Variants in HSF4 observed in about 807,000 individuals in gnomAD.
HSF4 encodes heat shock factor protein 4.
Under a neutral mutation model 52.0 loss-of-function variants are expected in HSF4, and 41 were observed. The ratio of observed to expected loss-of-function variants is 0.79; its 90% CI spans 0.61 to 1.02. The LOEUF is 1.02. HSF4 is among the 50% of genes least tolerant of loss of function. The pLI, the probability that HSF4 is intolerant of heterozygous loss-of-function variation, is 0.00. For missense variants in HSF4, 610 were observed against 651.1 expected, an observed-to-expected ratio of 0.94 and a Z score of 0.69; for synonymous variants, 285 against 273.0, an observed-to-expected ratio of 1.04 and a Z score of -0.43.
chr16:67,169,795 C>T lies in HSF4; in HGVS notation c.*10C>T. 1 of 1,613,050 alleles carries T rather than the reference C, an allele frequency of 6.2e-7. No homozygotes were observed. The highest frequency in any genetic ancestry group is 8.5e-7 in the Non-Finnish European group (1 of 1,179,976). ...CAGTCCCTCCCCCTAAGACCCCGCG[C>T]CTCTGAAGGGGCTTGGAACCAGTCC... On this transcript the variant is annotated 3_prime_UTR_variant, in exon 13 of 13. Coordinates refer to ENST00000521374, the MANE Select transcript of HSF4 (RefSeq NM_001374675.1). The surrounding 1 kb of genome is among the most constrained non-coding windows in gnomAD (Gnocchi z 4.3).
rs1257015995 is a variant in HSF4, at chr16:67,165,462, C to T, written c.124-60C>T. 1.4e-6 allele frequency: 2 copies of T among 1,467,438 alleles called. No individual in the cohort carries two copies. The highest frequency in any genetic ancestry group is 1.9e-6 in the Non-Finnish European group (2 of 1,048,752). The allele number at this position is 1,467,438 out of a possible 1,614,324, so 90.9% of individuals were successfully genotyped here. On this transcript the variant is annotated intron_variant, in intron 1 of 12. Coordinates refer to ENST00000521374, the MANE Select transcript of HSF4 (RefSeq NM_001374675.1). The surrounding 1 kb of genome is among the most constrained non-coding windows in gnomAD (Gnocchi z 6.9). ...GCTGGAGCGCAGGACTGGCCGTGAG[C>T]GGGCACCGCTCACCCTCCTGGTCTC... is the stretch of plus-strand genomic sequence containing the variant.
chr16:67,165,645 CCG>C lies in HSF4; in HGVS notation c.232+16_232+17del. 6.2e-7 allele frequency: 1 copy of C among 1,612,782 alleles called. No individual in the cohort carries two copies. The highest frequency in any genetic ancestry group is 1.1e-5 in the South Asian group (1 of 91,088). On this transcript the variant is annotated intron_variant, in intron 2 of 12. Coordinates refer to ENST00000521374, the MANE Select transcript of HSF4 (RefSeq NM_001374675.1). This position sits in a 1 kb window ranked among gnomAD's most constrained non-coding sequence, Gnocchi z 6.9. ...ACTCAACATGTGTGAGTCCCTACGG[CCG>C]GGCGGGGAGCGGGGATGGGGGACTC... is the stretch of plus-strand genomic sequence containing the variant.
Position 67,167,522 on chromosome 16 carries a change from C to A in HSF4, c.777C>A (p.Gly259=). ...GCCTTAGCCCTCACAGGGCCAGGGGCCCCATCATCTCTGACATCCCAGAAG... is the reference window on the plus strand; with the variant it reads ...GCCTTAGCCCTCACAGGGCCAGGGGACCCATCATCTCTGACATCCCAGAAG... ...NLGLSPHRAR[G]PIISDIPEDS... The change falls in exon 8 of 13, where the codon GGC becomes GGA. Residue 259 remains glycine (G), a synonymous_variant. Transcript: ENST00000521374. 1 of 1,613,780 alleles carries A rather than the reference C, an allele frequency of 6.2e-7. No homozygotes were observed. Among genetic ancestry groups the A allele is most frequent in the Non-Finnish European group, 8.5e-7 (1 of 1,179,988 alleles).
rs767418042 is a variant in HSF4 at position 67,169,369 on chromosome 16, T to C, written c.1324+21T>C. On this transcript the variant is annotated intron_variant, in intron 12 of 12. Transcript: ENST00000521374. The surrounding 1 kb of genome is among the most constrained non-coding windows in gnomAD (Gnocchi z 4.3). Reference sequence around the variant, plus strand: ...CCCAGGTAATGGTTGTGATGACTCCTACCTGGGAGGACGCCGTGATTGGGC... The same window carrying C: ...CCCAGGTAATGGTTGTGATGACTCCCACCTGGGAGGACGCCGTGATTGGGC... The C allele has an allele frequency of 6.2e-7, 1 of 1,609,192 alleles. No individual in the cohort carries two copies. Among genetic ancestry groups the C allele is most frequent in the Non-Finnish European group, 8.5e-7 (1 of 1,177,838 alleles).
At chr16:67,164,570 T>TCCACCCCACC, upstream of HSF4, 1 of 181,272 alleles carries the variant, frequency 5.5e-6, no homozygotes, top group Non-Finnish European at 1.2e-5. Context: ...CCCACCCCAC[T>TCCACCCCACC]CCACCCCACC....
chr16:67,165,654 G>C lies in HSF4; in HGVS notation c.232+24G>C. ...GTGTGAGTCCCTACGGCCGGGCGGG[G>C]AGCGGGGATGGGGGACTCGGTGCCG... On this transcript the variant is annotated intron_variant, in intron 2 of 12. Transcript: ENST00000521374. The surrounding 1 kb of genome is among the most constrained non-coding windows in gnomAD (Gnocchi z 6.9). The C allele has an allele frequency of 6.2e-7, 1 of 1,612,726 alleles. No individual in the cohort carries two copies.
chr16:67,163,966 T>C (rs909756444), upstream of HSF4: 3 of 1,256,600 alleles, frequency 2.4e-6, no homozygotes, highest in African/African-American at 4.5e-5. Flanking sequence ...TGTGATGGCA[T>C]CGGGACCAGT....
rs749585332 is a variant in HSF4, at chr16:67,169,131, C to T, written c.1254+30C>T. The T allele has an allele frequency of 6.2e-7, 1 of 1,609,470 alleles. No homozygotes were observed. The highest frequency in any genetic ancestry group is 2.2e-5 in the East Asian group (1 of 44,868). On this transcript the variant is annotated intron_variant, in intron 11 of 12. Coordinates refer to ENST00000521374, the MANE Select transcript of HSF4 (RefSeq NM_001374675.1). The surrounding 1 kb of genome is among the most constrained non-coding windows in gnomAD (Gnocchi z 4.3). ...GAAGTGGGTCGGGGAGGGCAGAGGCCAGGGGTGGCTGAGTCAAGCCCTCTG... is the reference window on the plus strand; with the variant it reads ...GAAGTGGGTCGGGGAGGGCAGAGGCTAGGGGTGGCTGAGTCAAGCCCTCTG...
chr16:67,165,684 T>C lies in HSF4; in HGVS notation c.233-35T>C, dbSNP rs948703291. ...GGGATGGGGGACTCGGTGCCGGGGA[T>C]GGGGCGACCCACGCCCCCACGCCCC... On this transcript the variant is annotated intron_variant, in intron 2 of 12. Coordinates refer to ENST00000521374, the MANE Select transcript of HSF4 (RefSeq NM_001374675.1). This position sits in a 1 kb window ranked among gnomAD's most constrained non-coding sequence, Gnocchi z 6.9. 3.1e-6 allele frequency: 5 copies of C among 1,611,580 alleles called. No homozygotes were observed. The highest frequency in any genetic ancestry group is 4.2e-6 in the Non-Finnish European group (5 of 1,179,696).
Position 67,169,748 on chromosome 16 carries a change from C to T in HSF4, c.1442C>T (p.Ala481Val). ...TATAGCACTCCTGAGAGCCGGACTG[C>T]CTCCTACTTGGGCCCGGAAGCCAGT... is the stretch of plus-strand genomic sequence containing the variant. The part of the protein sequence containing the change: ...TIYSTPESRT[A>V]SYLGPEASPS... Residue 481 changes from alanine to valine, a missense_variant, in exon 13 of 13, where the codon GCC becomes GTC. Coordinates refer to ENST00000521374, the MANE Select transcript of HSF4 (RefSeq NM_001374675.1). This position sits in a 1 kb window ranked among gnomAD's most constrained non-coding sequence, Gnocchi z 4.3. The T allele has an allele frequency of 6.2e-7, 1 of 1,613,100 alleles. No individual in the cohort carries two copies. Among genetic ancestry groups the T allele is most frequent in the South Asian group, 1.1e-5 (1 of 91,090 alleles).
rs1308348079 is a variant in HSF4 at position 67,164,888 on chromosome 16, C to T, written c.77C>T (p.Ala26Val). Residue 26 changes from alanine to valine, a missense_variant, in exon 1 of 13, where the codon GCG becomes GTG. Transcript: ENST00000521374. ...PVPAFLGKLW[A>V]LVGDPGTDHL... ...CCTGCCTTCCTCGGCAAGCTATGGG[C>T]GCTGGTGGGGGACCCAGGCACAGAC... 6.2e-7 allele frequency: 1 copy of T among 1,608,082 alleles called. No homozygotes were observed. Among genetic ancestry groups the T allele is most frequent in the Non-Finnish European group, 8.5e-7 (1 of 1,179,128 alleles).
Position 67,169,294 on chromosome 16 carries a change from CCAGAGCGGGG to C in HSF4, c.1271_1280del (p.Pro424LeufsTer10). 1 of 1,613,548 alleles carries C rather than the reference CCAGAGCGGGG, an allele frequency of 6.2e-7. No homozygotes were observed. The highest frequency in any genetic ancestry group is 1.3e-5 in the African/African-American group (1 of 74,936). On this transcript the variant is annotated frameshift_variant, in exon 12 of 13. Coordinates refer to ENST00000521374, the MANE Select transcript of HSF4 (RefSeq NM_001374675.1). LOFTEE classifies it high-confidence loss of function. This position sits in a 1 kb window ranked among gnomAD's most constrained non-coding sequence, Gnocchi z 4.3. Reference sequence around the variant, plus strand: ...TCTCACGCAGATGCAGCCCTTGGTTCCAGAGCGGGGTGAGCCTGAGCTGGCGGTCAAGGGG... The same window carrying C: ...TCTCACGCAGATGCAGCCCTTGGTTCTGAGCCTGAGCTGGCGGTCAAGGGG...
At position 67,169,375 on chromosome 16, in the gene HSF4, G is replaced by A. The variant is rs1378032827; in HGVS notation, c.1324+27G>A. On this transcript the variant is annotated intron_variant, in intron 12 of 12. Coordinates refer to ENST00000521374, the MANE Select transcript of HSF4 (RefSeq NM_001374675.1). The surrounding 1 kb of genome is among the most constrained non-coding windows in gnomAD (Gnocchi z 4.3). ...TAATGGTTGTGATGACTCCTACCTGGGAGGACGCCGTGATTGGGCTGAGCT... is the reference window on the plus strand; with the variant it reads ...TAATGGTTGTGATGACTCCTACCTGAGAGGACGCCGTGATTGGGCTGAGCT... The A allele has an allele frequency of 6.2e-7, 1 of 1,605,990 alleles. No individual in the cohort carries two copies. The highest frequency in any genetic ancestry group is 8.5e-7 in the Non-Finnish European group (1 of 1,176,206).
rs2031244410 is a variant in HSF4 at position 67,165,914 on chromosome 16, G to T, written c.361-32G>T. The T allele has an allele frequency of 6.3e-7, 1 of 1,588,002 alleles. No individual in the cohort carries two copies. The highest frequency in any genetic ancestry group is 1.1e-5 in the South Asian group (1 of 89,952). ...CTGGGACTGCCTGCCTTGCTCCTGC[G>T]ACCCAGTCCCGACGGTGCCTCCCGC... On this transcript the variant is annotated intron_variant, in intron 3 of 12. Transcript: ENST00000521374. The surrounding 1 kb of genome is among the most constrained non-coding windows in gnomAD (Gnocchi z 6.9).
In HSF4 at chr16:67,166,606, G is replaced by A. The variant is rs750723656; in HGVS notation, c.610G>A (p.Gly204Arg). Residue 204 changes from glycine to arginine, a missense_variant, in exon 6 of 13, where the codon GGA (glycine) becomes AGA (arginine). Transcript: ENST00000521374. ...GPLQAGPSNA[G>R]GKRKLSLMLD... ...ACTTCAGGCGGGGCCGAGCAATGCA[G>A]GAGGCAAGAGAAAGCTGTGAGTGAG... is the stretch of plus-strand genomic sequence containing the variant. The A allele has an allele frequency of 1.2e-6, 2 of 1,613,902 alleles. No homozygotes were observed. The highest frequency in any genetic ancestry group is 1.7e-6 in the Non-Finnish European group (2 of 1,179,972).
chr16:67,169,412 G>A lies in HSF4; in HGVS notation c.1324+64G>A, dbSNP rs566623598. 1 of 1,583,194 alleles carries A rather than the reference G, an allele frequency of 6.3e-7. No homozygotes were observed. The highest frequency in any genetic ancestry group is 1.8e-5 in the Admixed American group (1 of 55,064). On this transcript the variant is annotated intron_variant, in intron 12 of 12. Coordinates refer to ENST00000521374, the MANE Select transcript of HSF4 (RefSeq NM_001374675.1). The surrounding 1 kb of genome is among the most constrained non-coding windows in gnomAD (Gnocchi z 4.3). ...GATTGGGCTGAGCTACCTTGATTGAGTGAGGGGGCAATCTGCAATTTGCAG... is the reference window on the plus strand; with the variant it reads ...GATTGGGCTGAGCTACCTTGATTGAATGAGGGGGCAATCTGCAATTTGCAG...
chr16:67,168,771 T>C lies in HSF4; in HGVS notation c.1083-60T>C. Reference sequence around the variant, plus strand: ...GGATTAAAATCTTGATGCATCTGGGTTCCTTGGGAACTTAATGCGGGGTGG... The same window carrying C: ...GGATTAAAATCTTGATGCATCTGGGCTCCTTGGGAACTTAATGCGGGGTGG... On this transcript the variant is annotated intron_variant, in intron 9 of 12. Transcript: ENST00000521374. The C allele has an allele frequency of 2.3e-6, 3 of 1,285,046 alleles. No homozygotes were observed. The South Asian group carries it at 3.6e-5, about 15-fold the overall frequency. The allele number at this position is 1,285,046 out of a possible 1,614,324, so 79.6% of individuals were successfully genotyped here.
chr16:67,166,783 A>T (rs1297141839), intron 6 of HSF4, among the ~76,000 whole-genome samples, 161 bp downstream of exon 6: 1 of 148,868 alleles, frequency 6.7e-6, no homozygotes, highest in Non-Finnish European at 1.5e-5. Context: ...CTTCCCCCCA[A>T]CTCTGCCACC....
intron 7 of HSF4, 58 bp from the exon 8 acceptor site, chr16:67,167,417 G>A (rs956879645): frequency 1.2e-6 from 2 of 1,613,298 alleles, no homozygotes; most frequent in African/African-American, 1.3e-5. Flanking sequence ...GTGTTGGTGG[G>A]GTTCTGGCTC....
Sources: allele counts gnomAD v4.1 joint callset (sites outside exome capture counted in the v4.1 genomes callset), GRCh38; gene constraint gnomAD v4.1.1; non-coding constraint Gnocchi (gnomAD v3.1); transcripts MANE v1.5; gene names NCBI Gene and HGNC (gene_info 2026-07-23, HGNC 2026-07-21).